Variants in FBXO8 observed in about 807,000 individuals in gnomAD.
FBXO8 encodes F-box protein 8.
FBXO8 carries 15 observed loss-of-function variants against 33.4 expected under a neutral mutation model. The ratio of observed to expected loss-of-function variants is 0.45; its 90% CI spans 0.30 to 0.69. FBXO8 has a LOEUF of 0.69. Among genes scored for constraint, FBXO8 ranks in the 30% least tolerant of loss-of-function variants. The pLI is 0.08. For missense variants in FBXO8, 274 were observed against 380.3 expected (o/e 0.72, Z 2.32); for synonymous variants, 132 against 131.5 (o/e 1.00, Z -0.02).
Position 174,237,683 on chromosome 4 carries a change from AT to A in FBXO8, c.773-85del, listed in dbSNP as rs1356189897. On this transcript the variant is annotated intron_variant, in intron 5 of 5. Transcript: ENST00000393674. The surrounding 1 kb of genome is among the most constrained non-coding windows in gnomAD (Gnocchi z 4.4). Reference sequence around the variant, plus strand: ...GGCATTATATAAGGCAAAAATGTTCATAATTTCAAGATATCAAGATTAGCTC... The same window carrying A: ...GGCATTATATAAGGCAAAAATGTTCAAATTTCAAGATATCAAGATTAGCTC... The A allele has an allele frequency of 1.7e-5, 19 of 1,143,612 alleles. No homozygotes were observed. The highest frequency in any genetic ancestry group is 2.1e-5 in the Non-Finnish European group (17 of 815,576). 70.8% of individuals were successfully genotyped at this position (1,143,612 alleles called of 1,614,324 possible). A position where few individuals can be genotyped will look rare whatever the true frequency, so the allele number is the denominator to read the frequency against.
chr4:174,245,626 A>G lies in FBXO8; in HGVS notation c.457-4408T>C, dbSNP rs1360870507. 6.6e-6 allele frequency among the ~76,000 whole-genome samples: 1 copy of G among 151,870 alleles called. No homozygotes were observed. Among genetic ancestry groups the G allele is most frequent in the Non-Finnish European group, 1.5e-5 (1 of 67,902 alleles). Reference sequence around the variant, plus strand: ...ACTGGAAGCCTCTGAAGGCTTTTAAACCTGATGAAGCAATGGGCTATAATG... The same window carrying G: ...ACTGGAAGCCTCTGAAGGCTTTTAAGCCTGATGAAGCAATGGGCTATAATG... On this transcript the variant is annotated intron_variant, in intron 3 of 5. Transcript: ENST00000393674. This position sits in a 1 kb window ranked among gnomAD's most constrained non-coding sequence, Gnocchi z 4.6.
Position 174,252,364 on chromosome 4 carries a change from G to A in FBXO8, c.456+7335C>T, listed in dbSNP as rs1736309579. ...AATAATAGCAATAATACATCAAGAT[G>A]TTTTTGGTTATAAACAACAGGAGAC... On this transcript the variant is annotated intron_variant, in intron 3 of 5. Transcript: ENST00000393674. The surrounding 1 kb of genome is among the most constrained non-coding windows in gnomAD (Gnocchi z 5.1). Among the ~76,000 whole-genome samples, 2 of 152,240 alleles carry A rather than the reference G, an allele frequency of 1.3e-5. No homozygotes were observed. Among genetic ancestry groups the A allele is most frequent in the Admixed American group, 6.5e-5 (1 of 15,280 alleles).
rs557285465 is a variant in FBXO8, at chr4:174,252,503, C to T, written c.456+7196G>A. Among the ~76,000 whole-genome samples the T allele has an allele frequency of 8.2e-4, 125 of 152,100 alleles. No individual in the cohort carries two copies. The highest frequency in any genetic ancestry group is 2.8e-3 in the African/African-American group (116 of 41,472). The stretch of plus-strand genomic sequence containing the variant: ...TGGGCTCACAGATAGCATCACAGAC[C>T]CAATTCTTTCTTTCCAGTCTGCTAT... On this transcript the variant is annotated intron_variant, in intron 3 of 5. Coordinates refer to ENST00000393674, the MANE Select transcript of FBXO8 (RefSeq NM_012180.3). The surrounding 1 kb of genome is among the most constrained non-coding windows in gnomAD (Gnocchi z 5.1).
chr4:174,240,027 C>T (rs1735991395), intron 4 of FBXO8, among the ~76,000 whole-genome samples: 1 of 150,948 alleles, frequency 6.6e-6, no homozygotes, highest in Non-Finnish European at 1.5e-5. Context: ...CTTATTAGAA[C>T]ACATCCACAC....
At position 174,261,874 on chromosome 4, in the gene FBXO8, T is replaced by C. The variant is rs1736571806; in HGVS notation, c.329+890A>G. ...GAAGTCTTAAAAAGATATTTGTTTT[T>C]AGTTATAGTCTATATTTTTATAAAG... On this transcript the variant is annotated intron_variant, in intron 2 of 5. Transcript: ENST00000393674. The surrounding 1 kb of genome is among the most constrained non-coding windows in gnomAD (Gnocchi z 4.1). Among the ~76,000 whole-genome samples, 1 of 152,072 alleles carries C rather than the reference T, an allele frequency of 6.6e-6. No homozygotes were observed. The highest frequency in any genetic ancestry group is 2.1e-4 in the South Asian group (1 of 4,836).
rs1265248389 is a variant in FBXO8 at position 174,263,023 on chromosome 4, A to G, written c.70T>C (p.Tyr24His). Residue 24 changes from tyrosine (Y) to histidine (H), a missense_variant, in exon 2 of 6, where the codon TAC (tyrosine) becomes CAC (histidine). Coordinates refer to ENST00000393674, the MANE Select transcript of FBXO8 (RefSeq NM_012180.3). The surrounding 1 kb of genome is among the most constrained non-coding windows in gnomAD (Gnocchi z 4.2). ...LQQEGYSEQGYLTREQSRRMA... is the reference protein window; with the variant it reads ...LQQEGYSEQGHLTREQSRRMA... ...CTCCTGCTCTGCTCTCTGGTGAGGT[A>G]GCCTTGCTCACTGTAGCCTTCTTGT... The G allele has an allele frequency of 1.9e-6, 3 of 1,614,008 alleles. No homozygotes were observed. Among genetic ancestry groups the G allele is most frequent in the Non-Finnish European group, 2.5e-6 (3 of 1,179,936 alleles).
In FBXO8 at chr4:174,245,369, G is replaced by A. The variant is rs182435268; in HGVS notation, c.457-4151C>T. ...AGACTGAAGTATTGTAAGGGGTTTA[G>A]ACAAGGAATTTAAGGGGTTTAGACA... On this transcript the variant is annotated intron_variant, in intron 3 of 5. Transcript: ENST00000393674. The surrounding 1 kb of genome is among the most constrained non-coding windows in gnomAD (Gnocchi z 4.6). Among the ~76,000 whole-genome samples, 1 of 151,952 alleles carries A rather than the reference G, an allele frequency of 6.6e-6. No individual in the cohort carries two copies. Among genetic ancestry groups the A allele is most frequent in the African/African-American group, 2.4e-5 (1 of 41,512 alleles).
Position 174,275,582 on chromosome 4 carries a change from C to T in FBXO8, c.-9+7828G>A, listed in dbSNP as rs1035218312. ...GTTTAAAAAAGGATAGGCAACTGCA[C>T]ATTTAAAGTGAATGAATTTTATTGT... On this transcript the variant is annotated intron_variant, in intron 1 of 5. Coordinates refer to ENST00000393674, the MANE Select transcript of FBXO8 (RefSeq NM_012180.3). This position sits in a 1 kb window ranked among gnomAD's most constrained non-coding sequence, Gnocchi z 4.4. 2.6e-5 allele frequency among the ~76,000 whole-genome samples: 4 copies of T among 152,044 alleles called. No individual in the cohort carries two copies. Among genetic ancestry groups the T allele is most frequent in the African/African-American group, 9.7e-5 (4 of 41,412 alleles).
rs955412346 is a variant in FBXO8 at position 174,275,938 on chromosome 4, T to C, written c.-9+7472A>G. 4.6e-5 allele frequency among the ~76,000 whole-genome samples: 7 copies of C among 152,184 alleles called. No individual in the cohort carries two copies. Among genetic ancestry groups the C allele is most frequent in the African/African-American group, 7.2e-5 (3 of 41,466 alleles). On this transcript the variant is annotated intron_variant, in intron 1 of 5. Coordinates refer to ENST00000393674, the MANE Select transcript of FBXO8 (RefSeq NM_012180.3). This position sits in a 1 kb window ranked among gnomAD's most constrained non-coding sequence, Gnocchi z 4.4. ...TACAAATGCAAAAAGGATCGATATT[T>C]GTGTAACTCTTAGTCTAATAAAAAA...
chr4:174,263,393 T>C lies in FBXO8; in HGVS notation c.-8-293A>G, dbSNP rs1258830683. Among the ~76,000 whole-genome samples the C allele has an allele frequency of 6.6e-6, 1 of 152,204 alleles. No homozygotes were observed. The highest frequency in any genetic ancestry group is 1.9e-4 in the East Asian group (1 of 5,198). On this transcript the variant is annotated intron_variant, in intron 1 of 5. Transcript: ENST00000393674. This position sits in a 1 kb window ranked among gnomAD's most constrained non-coding sequence, Gnocchi z 4.2. ...TTTTCACGTGGTAAGATTTAAAAGTTACTGATGTCCTTAATACTCTTACAA... is the reference window on the plus strand; with the variant it reads ...TTTTCACGTGGTAAGATTTAAAAGTCACTGATGTCCTTAATACTCTTACAA...
Position 174,259,859 on chromosome 4 carries a change from TTAC to T in FBXO8, c.330-37_330-35del, listed in dbSNP as rs755353725. 61 of 1,539,758 alleles carry T rather than the reference TTAC, an allele frequency of 4.0e-5. No homozygotes were observed. The highest frequency in any genetic ancestry group is 5.2e-6 in the Non-Finnish European group (6 of 1,150,182). Reference sequence around the variant, plus strand: ...TCAGAGAAAATGAGACAAGAAAACATTACTACATTTAATTTCCTAAGTTAAATA... The same window carrying T: ...TCAGAGAAAATGAGACAAGAAAACATTACATTTAATTTCCTAAGTTAAATA... On this transcript the variant is annotated intron_variant, in intron 2 of 5. Transcript: ENST00000393674. The surrounding 1 kb of genome is among the most constrained non-coding windows in gnomAD (Gnocchi z 4.3).
chr4:174,264,216 T>A (rs995609253), intron 1 of FBXO8, among the ~76,000 whole-genome samples: 2 of 152,120 alleles, frequency 1.3e-5, no homozygotes, highest in Non-Finnish European at 2.9e-5. Flanking sequence ...CAATTAACTG[T>A]TTACAATAAG....
At chr4:174,273,879 G>C (rs1230639826) in intron 1 of FBXO8, among the ~76,000 whole-genome samples, 1 of 152,110 alleles carries the variant, frequency 6.6e-6, no homozygotes, top group African/African-American at 2.4e-5. Context: ...TTAGGGCTCA[G>C]TGTAATACAG....
rs1434474662 is a variant in FBXO8 at position 174,277,411 on chromosome 4, G to GT, written c.-9+5998dup. Among the ~76,000 whole-genome samples the GT allele has an allele frequency of 2.6e-5, 4 of 152,048 alleles. No individual in the cohort carries two copies. Among genetic ancestry groups the GT allele is most frequent in the African/African-American group, 4.8e-5 (2 of 41,416 alleles). On this transcript the variant is annotated intron_variant, in intron 1 of 5. Transcript: ENST00000393674. The surrounding 1 kb of genome is among the most constrained non-coding windows in gnomAD (Gnocchi z 4.9). ...TAAAGTAGTATTTATTAAGAAAAAG[G>GT]TAACTACTGCTTATAATTTCATGGC...
chr4:174,249,268 C>T (rs1050876563), intron 3 of FBXO8, among the ~76,000 whole-genome samples: 2 of 152,040 alleles, frequency 1.3e-5, no homozygotes, highest in East Asian at 1.9e-4. Context: ...AGTTGAGTCA[C>T]GCTTCTTGGA....
Position 174,259,616 on chromosome 4 carries a change from C to T in FBXO8, c.456+83G>A, listed in dbSNP as rs985010784. On this transcript the variant is annotated intron_variant, in intron 3 of 5. Transcript: ENST00000393674. This position sits in a 1 kb window ranked among gnomAD's most constrained non-coding sequence, Gnocchi z 4.3. ...AGCATGTTCAATGACTTTTTGTTTT[C>T]CCTGCTAGTTTATGATATTGGAAAG... 2.6e-6 allele frequency: 4 copies of T among 1,512,776 alleles called. No individual in the cohort carries two copies. Among genetic ancestry groups the T allele is most frequent in the Middle Eastern group, 1.7e-4 (1 of 5,762 alleles). The allele number at this position is 1,512,776 out of a possible 1,614,324, so 93.7% of individuals were successfully genotyped here. A position where few individuals can be genotyped will look rare whatever the true frequency, so the allele number is the denominator to read the frequency against.
Position 174,252,384 on chromosome 4 carries a change from G to A in FBXO8, c.456+7315C>T, listed in dbSNP as rs1296843475. Among the ~76,000 whole-genome samples, 1 of 152,050 alleles carries A rather than the reference G, an allele frequency of 6.6e-6. No individual in the cohort carries two copies. The highest frequency in any genetic ancestry group is 6.6e-5 in the Admixed American group (1 of 15,262). On this transcript the variant is annotated intron_variant, in intron 3 of 5. Coordinates refer to ENST00000393674, the MANE Select transcript of FBXO8 (RefSeq NM_012180.3). This position sits in a 1 kb window ranked among gnomAD's most constrained non-coding sequence, Gnocchi z 5.1. The stretch of plus-strand genomic sequence containing the variant: ...AAGATGTTTTTGGTTATAAACAACA[G>A]GAGACCTAGTTCAAAATAAAGGGAT...
chr4:174,268,967 A>C (rs1448549592), intron 1 of FBXO8: 1 of 152,246 alleles, frequency 6.6e-6, no homozygotes, highest in Non-Finnish European at 1.5e-5. Context: ...GATACAAATA[A>C]ATGTTAGTGA....
rs189209315 is a variant in FBXO8, at chr4:174,275,338, T to G, written c.-9+8072A>C. On this transcript the variant is annotated intron_variant, in intron 1 of 5. Coordinates refer to ENST00000393674, the MANE Select transcript of FBXO8 (RefSeq NM_012180.3). This position sits in a 1 kb window ranked among gnomAD's most constrained non-coding sequence, Gnocchi z 4.4. ...GCACAGAACTTCATACACACACATA[T>G]GTACACTGAGTAAAAATAAAACTAG... 6.6e-6 allele frequency among the ~76,000 whole-genome samples: 1 copy of G among 152,268 alleles called. No individual in the cohort carries two copies. The highest frequency in any genetic ancestry group is 1.5e-5 in the Non-Finnish European group (1 of 68,016).
Sources: gnomAD v4.1 joint callset for allele counts (sites outside exome capture counted in the v4.1 genomes callset) on GRCh38, gnomAD v4.1.1 for gene constraint, Gnocchi (gnomAD v3.1) non-coding constraint, MANE v1.5 for transcripts, NCBI Gene and HGNC (gene_info 2026-07-23, HGNC 2026-07-21) for gene names.